Variants in MCTP1 observed in about 807,000 individuals in gnomAD.
MCTP1 encodes the protein multiple C2 and transmembrane domain-containing protein 1.
In MCTP1, 69 loss-of-function variants were observed where a neutral mutation model predicts 120.6. The observed-to-expected ratio is 0.57, with a 90% CI of 0.47 to 0.70. The LOEUF is 0.70. Ranked by LOEUF, MCTP1 falls within the 30% of genes least tolerant of loss-of-function variation. The pLI is 0.00. For synonymous variants in MCTP1, 529 were observed against 493.1 expected, an observed-to-expected ratio of 1.07 and a Z score of -0.96; for missense variants, 1,203 against 1,248.8, an observed-to-expected ratio of 0.96 and a Z score of 0.55.
intron 2 of MCTP1, chr5:94,976,608 T>C (rs1373056094): frequency 3.3e-5 from 5 of 152,188 alleles, no homozygotes; most frequent in African/African-American, 1.2e-4. Flanking sequence ...TGTTTGGATA[T>C]ACTTGTGACA....
intron 1 of MCTP1, among the ~76,000 whole-genome samples, chr5:95,133,745 C>T (rs866322214): frequency 3.9e-5 from 6 of 152,176 alleles, no homozygotes; most frequent in Non-Finnish European, 7.3e-5. Flanking sequence ...ACTGTACTCA[C>T]GTATTTTTGA....
chr5:95,116,891 TC>T (rs1175053791), intron 1 of MCTP1, among the ~76,000 whole-genome samples: 1 of 152,280 alleles, frequency 6.6e-6, no homozygotes, highest in African/African-American at 2.4e-5. Context: ...GATTTTGTAT[TC>T]TGAGACTGCT....
intron 2 of MCTP1, among the ~76,000 whole-genome samples, chr5:95,016,978 T>C (rs998206994): frequency 6.6e-6 from 1 of 152,174 alleles, no homozygotes; most frequent in East Asian, 1.9e-4. Flanking sequence ...GGTCCTGCAA[T>C]GTGAGCAGAT....
chr5:95,196,751 A>G (rs1750443800), intron 1 of MCTP1, among the ~76,000 whole-genome samples: 1 of 152,166 alleles, frequency 6.6e-6, no homozygotes. Context: ...TCCATCCTGA[A>G]GGAGTGCCTT....
chr5:95,093,903 C>A (rs1756031824), intron 1 of MCTP1, among the ~76,000 whole-genome samples: 1 of 152,172 alleles, frequency 6.6e-6, no homozygotes, highest in African/African-American at 2.4e-5. Context: ...TGCCATACCA[C>A]AAGGAAACCC....
At chr5:95,028,691 T>A (rs983923928) in intron 1 of MCTP1, among the ~76,000 whole-genome samples, 1 of 152,236 alleles carries the variant, frequency 6.6e-6, no homozygotes, top group Non-Finnish European at 1.5e-5. Context: ...ACCACTCTCT[T>A]TTTAAATTAG....
chr5:94,922,997 C>CA (rs202245253), intron 7 of MCTP1, among the ~76,000 whole-genome samples: 2,133 of 99,348 alleles, frequency 0.021, 46 homozygotes, highest in Middle Eastern at 0.032. Context: ...TAAAAAGCTG[C>CA]AAAAAAAAAA....
At chr5:95,058,462 T>A (rs1266297412) in intron 1 of MCTP1, among the ~76,000 whole-genome samples, 1 of 152,206 alleles carries the variant, frequency 6.6e-6, no homozygotes, top group African/African-American at 2.4e-5. Context: ...ACCACACACC[T>A]TACGACCTTT....
intron 1 of MCTP1, among the ~76,000 whole-genome samples, chr5:95,225,097 CTCA>C (rs1196813157): frequency 3.3e-5 from 5 of 152,074 alleles, no homozygotes; most frequent in Middle Eastern, 3.4e-3. Flanking sequence ...AAATAAATTT[CTCA>C]TCATTTCTCA....
intron 1 of MCTP1, among the ~76,000 whole-genome samples, chr5:95,274,646 C>T (rs996099182): frequency 5.8e-4 from 10 of 17,146 alleles, no homozygotes; most frequent in African/African-American, 2.4e-3. Context: ...TTTTTTGAGA[C>T]GAAGTCTTGC....
intron 14 of MCTP1, 79 bp downstream of exon 14, chr5:94,871,236 C>T (rs984371057): frequency 4.8e-5 from 44 of 918,312 alleles, no homozygotes; most frequent in Non-Finnish European, 7.2e-5. Context: ...AGACACAGAG[C>T]TGAGAGTTTT....
intron 1 of MCTP1, among the ~76,000 whole-genome samples, chr5:95,026,636 A>G (rs1161700341): frequency 1.3e-5 from 2 of 152,144 alleles, no homozygotes; most frequent in African/African-American, 4.8e-5. Context: ...CTTATTATCA[A>G]TTAAAAAGCA....
chr5:95,154,507 G>T (rs768563228), intron 1 of MCTP1, among the ~76,000 whole-genome samples: 2 of 152,180 alleles, frequency 1.3e-5, no homozygotes, highest in Non-Finnish European at 2.9e-5. Context: ...AACATAATGA[G>T]CAAGAGAGCT....
chr5:95,118,246 G>A (rs1266042375), intron 1 of MCTP1, among the ~76,000 whole-genome samples: 1 of 151,980 alleles, frequency 6.6e-6, no homozygotes, highest in Non-Finnish European at 1.5e-5. Flanking sequence ...TAAAAATAAA[G>A]AGGTTAAGGT....
chr5:94,871,253 T>G, intron 14 of MCTP1, 62 bp downstream of exon 14: 1 of 271,118 alleles, frequency 3.7e-6, no homozygotes, highest in Admixed American at 5.8e-5. Context: ...TTTTCTTTTC[T>G]TTTTTTTTTT....
intron 19 of MCTP1, among the ~76,000 whole-genome samples, chr5:94,763,567 T>C (rs1771849311): frequency 3.3e-5 from 5 of 152,204 alleles, no homozygotes; most frequent in Non-Finnish European, 7.3e-5. Flanking sequence ...ATTACTTTAT[T>C]ATAACATTTT....
chr5:94,922,372 G>A (rs1241116606), intron 7 of MCTP1, among the ~76,000 whole-genome samples: 2 of 152,078 alleles, frequency 1.3e-5, no homozygotes, highest in African/African-American at 2.4e-5. Context: ...TATGAAGTTC[G>A]CCCTGGTGAC....
At chr5:94,989,309 A>AC (rs2153612341) in intron 2 of MCTP1, among the ~76,000 whole-genome samples, 1 of 152,306 alleles carries the variant, frequency 6.6e-6, no homozygotes, top group East Asian at 1.9e-4. Flanking sequence ...TTTGTCTTTA[A>AC]CTTAGACCCT....
intron 17 of MCTP1, among the ~76,000 whole-genome samples, chr5:94,804,845 G>A (rs1024559417): frequency 6.6e-6 from 1 of 152,148 alleles, no homozygotes; most frequent in Admixed American, 6.5e-5. Context: ...GACGAGTGGT[G>A]TTCTTTAGGG....
Sources: gnomAD v4.1 joint callset for allele counts (sites outside exome capture counted in the v4.1 genomes callset) on GRCh38, gnomAD v4.1.1 for gene constraint, MANE v1.5 for transcripts, NCBI Gene and HGNC (gene_info 2026-07-23, HGNC 2026-07-21) for gene names.